PRDM16: variants seen among roughly 807,000 people sequenced by gnomAD.
The protein encoded by PRDM16 is histone-lysine N-methyltransferase PRDM16.
A neutral mutation model predicts 110.6 loss-of-function variants in PRDM16; 23 were observed. The observed-to-expected ratio is 0.21, with a 90% CI of 0.15 to 0.29. The LOEUF (loss-of-function observed/expected upper bound fraction) is 0.29. PRDM16 is among the 10% of genes least tolerant of loss of function. The probability of loss-of-function intolerance (pLI) is 1.00; values close to 1 mark genes in which losing one functional copy is unlikely to be tolerated. For synonymous variants in PRDM16, 799 were observed against 781.8 expected, an observed-to-expected ratio of 1.02 and a Z score of -0.37; for missense variants, 1,615 against 1,794.3, an observed-to-expected ratio of 0.90 and a Z score of 1.81.
intron 1 of PRDM16, among the ~76,000 whole-genome samples, chr1:3,149,809 T>G (rs924485656): frequency 6.6e-6 from 1 of 152,228 alleles, no homozygotes; most frequent in East Asian, 1.9e-4. Context: ...CTGGGCTGGC[T>G]GGGGACACAG....
chr1:3,078,077 G>A (rs774664122), intron 1 of PRDM16, among the ~76,000 whole-genome samples: 2 of 152,126 alleles, frequency 1.3e-5, no homozygotes, highest in African/African-American at 2.4e-5. Context: ...CTGTTGGCAC[G>A]TGCCACTTTT....
intron 3 of PRDM16, among the ~76,000 whole-genome samples, chr1:3,356,935 C>T (rs1404975549): frequency 6.6e-6 from 1 of 152,164 alleles, no homozygotes; most frequent in Non-Finnish European, 1.5e-5. Context: ...AGCCGGGTGG[C>T]TTTGCTTTCC....
At chr1:3,325,954 C>T (rs976819311) in intron 3 of PRDM16, among the ~76,000 whole-genome samples, 18 of 145,466 alleles carry the variant, frequency 1.2e-4, no homozygotes, top group Admixed American at 2.0e-4. Context: ...TGGCCATCCT[C>T]GACGATCCTT....
rs1033326682 is a variant in PRDM16, at chr1:3,434,079, G to A, written c.*268G>A. On this transcript the variant is annotated 3_prime_UTR_variant, in exon 17 of 17. Coordinates refer to ENST00000270722, the MANE Select transcript of PRDM16 (RefSeq NM_022114.4). ...AGGTGGCCGTCCAAAGACAGCCAAC[G>A]GAGCTGCCTCGCAGAATCAGCCAGT... 17 of 427,794 alleles carry A rather than the reference G, an allele frequency of 4.0e-5. No homozygotes were observed. Among genetic ancestry groups the A allele is most frequent in the African/African-American group, 2.8e-4 (14 of 50,056 alleles). 26.5% of individuals were successfully genotyped at this position (427,794 alleles called of 1,614,324 possible).
At chr1:3,351,061 G>T (rs1642470534) in intron 3 of PRDM16, among the ~76,000 whole-genome samples, 1 of 152,230 alleles carries the variant, frequency 6.6e-6, no homozygotes, top group African/African-American at 2.4e-5. Flanking sequence ...GACAGGCCAA[G>T]AGATCCCCGT....
intron 1 of PRDM16, among the ~76,000 whole-genome samples, chr1:3,107,289 C>T (rs1440529691): frequency 6.6e-6 from 1 of 152,234 alleles, no homozygotes; most frequent in Non-Finnish European, 1.5e-5. Context: ...GCTGTGGCTA[C>T]AGCTAGGCTT....
At chr1:3,360,221 G>C (rs753103209) in intron 3 of PRDM16, among the ~76,000 whole-genome samples, 51 of 152,324 alleles carry the variant, frequency 3.3e-4, no homozygotes, top group Non-Finnish European at 4.3e-4. Flanking sequence ...GCAGCTGAGG[G>C]CGCTTGCGGG....
At chr1:3,131,227 C>T (rs890961753) in intron 1 of PRDM16, among the ~76,000 whole-genome samples, 2 of 152,196 alleles carry the variant, frequency 1.3e-5, no homozygotes, top group African/African-American at 4.8e-5. Context: ...CTCTCTCAGA[C>T]ATTTCTCGTC....
intron 3 of PRDM16, among the ~76,000 whole-genome samples, chr1:3,256,377 A>T (rs2100235380): frequency 6.6e-6 from 1 of 151,832 alleles, no homozygotes; most frequent in African/African-American, 2.4e-5. Flanking sequence ...CGTAACCATG[A>T]CCCCTCAGGT....
Position 3,382,346 on chromosome 1 carries a change from A to T in PRDM16, c.439-2806A>T, listed in dbSNP as rs1643115725. Among the ~76,000 whole-genome samples the T allele has an allele frequency of 6.6e-6, 1 of 152,180 alleles. No individual in the cohort carries two copies. The highest frequency in any genetic ancestry group is 2.1e-4 in the South Asian group (1 of 4,834). On this transcript the variant is annotated intron_variant, in intron 3 of 16. Coordinates refer to ENST00000270722, the MANE Select transcript of PRDM16 (RefSeq NM_022114.4). This position sits in a 1 kb window ranked among gnomAD's most constrained non-coding sequence, Gnocchi z 6.6. Reference sequence around the variant, plus strand: ...GGTTCTTGGATTGGGCTGGCCCTGGACTTGGGCAGGGCAGGCAGTGACCTC... The same window carrying T: ...GGTTCTTGGATTGGGCTGGCCCTGGTCTTGGGCAGGGCAGGCAGTGACCTC...
intron 1 of PRDM16, among the ~76,000 whole-genome samples, chr1:3,127,253 T>TA (rs1481934458): frequency 2.5e-4 from 38 of 152,376 alleles, no homozygotes; most frequent in African/African-American, 9.1e-4. Context: ...GACAGCCTGT[T>TA]ACGATTTGGC....
At chr1:3,183,821 A>C (rs1644237344) in intron 1 of PRDM16, among the ~76,000 whole-genome samples, 1 of 152,226 alleles carries the variant, frequency 6.6e-6, no homozygotes, top group African/African-American at 2.4e-5. Context: ...TTCGGGCTCC[A>C]GCGGAACTCC....
At chr1:3,377,004 C>T (rs1485095633) in intron 3 of PRDM16, among the ~76,000 whole-genome samples, 2 of 152,272 alleles carry the variant, frequency 1.3e-5, no homozygotes, top group Non-Finnish European at 2.9e-5. Flanking sequence ...TCCCCCACCT[C>T]CTTCCATCAC....
At chr1:3,232,083 C>T (rs1312222621) in intron 2 of PRDM16, among the ~76,000 whole-genome samples, 1 of 152,220 alleles carries the variant, frequency 6.6e-6, no homozygotes, top group African/African-American at 2.4e-5. Context: ...CAGGCAGCTG[C>T]GACCGACACC....
intron 4 of PRDM16, among the ~76,000 whole-genome samples, chr1:3,395,445 CTTG>C (rs1290608732): frequency 6.6e-6 from 1 of 152,182 alleles, no homozygotes; most frequent in African/African-American, 2.4e-5. Flanking sequence ...GTGGATTTCC[CTTG>C]GGCCTCTCCC....
intron 3 of PRDM16, among the ~76,000 whole-genome samples, chr1:3,305,140 G>A (rs910800380): frequency 5.3e-5 from 8 of 152,230 alleles, no homozygotes; most frequent in African/African-American, 1.9e-4. Flanking sequence ...GGGGAAGCTG[G>A]CACCTGCCCT....
intron 10 of PRDM16, among the ~76,000 whole-genome samples, chr1:3,417,437 C>G (rs1270933116): frequency 6.6e-6 from 1 of 152,170 alleles, no homozygotes; most frequent in Non-Finnish European, 1.5e-5. Flanking sequence ...AACTAGCCAA[C>G]CAGAAGTGCT....
chr1:3,113,816 G>T (rs537457704), intron 1 of PRDM16, among the ~76,000 whole-genome samples: 20 of 152,246 alleles, frequency 1.3e-4, no homozygotes, highest in Non-Finnish European at 2.8e-4. Context: ...AGACTCCCTC[G>T]AAGGTGCCCC....
chr1:3,115,622 G>T (rs1329105113), intron 1 of PRDM16, among the ~76,000 whole-genome samples: 1 of 152,232 alleles, frequency 6.6e-6, no homozygotes, highest in African/African-American at 2.4e-5. Context: ...CCGAGAGGGG[G>T]CGGGGGCCAC....
Sources: gnomAD v4.1 joint callset for allele counts (sites outside exome capture counted in the v4.1 genomes callset) on GRCh38, gnomAD v4.1.1 for gene constraint, Gnocchi (gnomAD v3.1) non-coding constraint, MANE v1.5 for transcripts, NCBI Gene and HGNC (gene_info 2026-07-23, HGNC 2026-07-21) for gene names.